SRSF11: variants seen among roughly 807,000 people sequenced by gnomAD.
SRSF11 encodes serine/arginine-rich splicing factor 11.
A neutral mutation model predicts 56.0 loss-of-function variants in SRSF11; 9 were observed. The ratio of observed to expected loss-of-function variants is 0.16; its 90% CI spans 0.10 to 0.28. The LOEUF (loss-of-function observed/expected upper bound fraction) is 0.28, where lower values mean the gene tolerates loss of function less well. SRSF11 is among the 10% of genes least tolerant of loss of function. The probability of loss-of-function intolerance (pLI) is 1.00; values close to 1 mark genes in which losing one functional copy is unlikely to be tolerated. For synonymous variants in SRSF11, 222 were observed against 215.3 expected, an observed-to-expected ratio of 1.03 and a Z score of -0.27; for missense variants, 421 against 600.7, an observed-to-expected ratio of 0.70 and a Z score of 3.13.
At chr1:70,248,171 C>T (rs1438581689) in intron 9 of SRSF11, among the ~76,000 whole-genome samples, 1 of 151,972 alleles carries the variant, frequency 6.6e-6, no homozygotes, top group East Asian at 1.9e-4. Flanking sequence ...CAGTTGTACC[C>T]CTGGGGGAAA....
intron 2 of SRSF11, chr1:70,231,371 T>C (rs1039983089): frequency 1.0e-5 from 11 of 1,057,138 alleles, no homozygotes; most frequent in African/African-American, 6.8e-5. Context: ...AGAATTTAAA[T>C]TGTCTACATA....
intron 1 of SRSF11, among the ~76,000 whole-genome samples, chr1:70,212,362 T>C (rs577503107): frequency 3.9e-4 from 60 of 152,248 alleles, no homozygotes; most frequent in Non-Finnish European, 7.4e-4. Flanking sequence ...GTTCAAGCGA[T>C]TCTCCTCCCT....
At chr1:70,228,133 T>G (rs1475534199) in intron 1 of SRSF11, among the ~76,000 whole-genome samples, 1 of 152,202 alleles carries the variant, frequency 6.6e-6, no homozygotes, top group Non-Finnish European at 1.5e-5. Context: ...AAGAAACTGT[T>G]GACAATTTTG....
chr1:70,237,855 C>T (rs562277611), intron 6 of SRSF11, among the ~76,000 whole-genome samples: 1 of 152,068 alleles, frequency 6.6e-6, no homozygotes, highest in East Asian at 1.9e-4. Flanking sequence ...ATACTTGAAA[C>T]GATATTTTGT....
chr1:70,235,934 T>C (rs1673885358), intron 5 of SRSF11, among the ~76,000 whole-genome samples: 1 of 152,218 alleles, frequency 6.6e-6, no homozygotes, highest in South Asian at 2.1e-4. Flanking sequence ...CAACATTTTA[T>C]TTTAGGTGCT....
At chr1:70,241,573 A>G (rs1229475657) in intron 7 of SRSF11, among the ~76,000 whole-genome samples, 2 of 152,252 alleles carry the variant, frequency 1.3e-5, no homozygotes, top group East Asian at 3.9e-4. Context: ...GTTCTTTACT[A>G]TTCCGTCTGG....
intron 9 of SRSF11, among the ~76,000 whole-genome samples, chr1:70,248,158 C>T (rs1259523647): frequency 6.6e-6 from 1 of 152,016 alleles, no homozygotes; most frequent in African/African-American, 2.4e-5. Flanking sequence ...GTTTTTGACC[C>T]ACCAGTTGTA....
intron 7 of SRSF11, among the ~76,000 whole-genome samples, chr1:70,240,373 G>A (rs1031066712): frequency 1.3e-5 from 2 of 152,180 alleles, no homozygotes; most frequent in Non-Finnish European, 2.9e-5. Flanking sequence ...TCCTAGGGCA[G>A]TTCAATAGCC....
chr1:70,239,530 CT>C lies in SRSF11; in HGVS notation c.800+15del. The stretch of plus-strand genomic sequence containing the variant: ...CATCTTCTAGACACAGGTTAGATTG[CT>C]TTTTAGTCAATTATACCTTAGACAA... On this transcript the variant is annotated intron_variant, in intron 7 of 11. Transcript: ENST00000370949. 6.4e-7 allele frequency: 1 copy of C among 1,572,770 alleles called. No individual in the cohort carries two copies. The highest frequency in any genetic ancestry group is 2.0e-5 in the Admixed American group (1 of 50,996).
chr1:70,233,102 A>G (rs1673175701), intron 3 of SRSF11, among the ~76,000 whole-genome samples: 1 of 152,146 alleles, frequency 6.6e-6, no homozygotes, highest in South Asian at 2.1e-4. Flanking sequence ...AAAGATTAGG[A>G]GTTCCTAAGC....
chr1:70,212,969 G>T (rs977729404), intron 1 of SRSF11, among the ~76,000 whole-genome samples: 4 of 151,988 alleles, frequency 2.6e-5, no homozygotes, highest in African/African-American at 9.7e-5. Flanking sequence ...AGGGGCTGAG[G>T]CAGGAGGATC....
chr1:70,230,740 TCA>T (rs1672698780), intron 2 of SRSF11: 4 of 1,174,908 alleles, frequency 3.4e-6, no homozygotes, highest in Non-Finnish European at 4.3e-6. Context: ...ATCAGGTGTC[TCA>T]CAATAAATTC....
intron 1 of SRSF11, among the ~76,000 whole-genome samples, chr1:70,207,783 T>C (rs1482606357): frequency 6.6e-6 from 1 of 151,314 alleles, no homozygotes; most frequent in East Asian, 1.9e-4. Flanking sequence ...TGAAGTACAG[T>C]GGTGCGATCA....
chr1:70,246,378 T>C (rs1676767725), intron 8 of SRSF11, among the ~76,000 whole-genome samples: 1 of 152,144 alleles, frequency 6.6e-6, no homozygotes, highest in African/African-American at 2.4e-5. Flanking sequence ...TGATAGAGGT[T>C]GACATGGGAT....
intron 2 of SRSF11, chr1:70,229,203 T>A (rs1484602181): frequency 7.8e-7 from 1 of 1,288,796 alleles, no homozygotes; most frequent in Non-Finnish European, 1.0e-6. Context: ...GTGTGTGATT[T>A]TTATAGTGGA....
chr1:70,241,562 G>C (rs994393943), intron 7 of SRSF11, among the ~76,000 whole-genome samples: 1 of 152,044 alleles, frequency 6.6e-6, no homozygotes, highest in Non-Finnish European at 1.5e-5. Flanking sequence ...TGGCTTTCAG[G>C]GTTCTTTACT....
intron 1 of SRSF11, chr1:70,222,724 CAT>C (rs1219041426): frequency 6.6e-6 from 1 of 152,116 alleles, no homozygotes; most frequent in Admixed American, 6.5e-5. Context: ...CAGTAAATAT[CAT>C]ATATTGAGAA....
chr1:70,231,493 T>C, intron 2 of SRSF11: 1 of 1,058,678 alleles, frequency 9.4e-7, no homozygotes, highest in African/African-American at 1.7e-5. Flanking sequence ...GCTTTTCAAC[T>C]GGCACTGTAT....
intron 11 of SRSF11, 44 bp from the exon 12 acceptor site, chr1:70,250,564 T>G: frequency 6.2e-7 from 1 of 1,608,804 alleles, no homozygotes; most frequent in East Asian, 2.2e-5. Context: ...TCAGAAGTTA[T>G]TTTTCTTTGG....
Sources: gnomAD v4.1 joint callset for allele counts (sites outside exome capture counted in the v4.1 genomes callset) on GRCh38, gnomAD v4.1.1 for gene constraint, MANE v1.5 for transcripts, NCBI Gene and HGNC (gene_info 2026-07-23, HGNC 2026-07-21) for gene names.